The following ZSWIM5 variants were observed in gnomAD, a reference collection of about 807,000 sequenced individuals.
ZSWIM5 encodes the protein zinc finger SWIM domain-containing protein 5.
ZSWIM5 carries 55 observed loss-of-function variants against 119.6 expected under a neutral mutation model. The observed-to-expected ratio is 0.46, with a 90% confidence interval of 0.37 to 0.58. The LOEUF (loss-of-function observed/expected upper bound fraction) is 0.58, where lower values mean the gene tolerates loss of function less well. ZSWIM5 is among the 20% of genes least tolerant of loss of function. The pLI is 0.00. For synonymous variants in ZSWIM5, 537 were observed against 606.9 expected, an observed-to-expected ratio of 0.88 and a Z score of 1.69; for missense variants, 1,193 against 1,512.8, an observed-to-expected ratio of 0.79 and a Z score of 3.51.
chr1:45,144,498 T>C lies in ZSWIM5; in HGVS notation c.596-56261A>G, dbSNP rs138842176. On this transcript the variant is annotated intron_variant, in intron 1 of 13. Coordinates refer to ENST00000359600, the MANE Select transcript of ZSWIM5 (RefSeq NM_020883.2). ...TGCAAGTGAGCTATGATCGTGCTACTGGACTCTAGGCTGGACAACAGCGTG... is the reference window on the plus strand; with the variant it reads ...TGCAAGTGAGCTATGATCGTGCTACCGGACTCTAGGCTGGACAACAGCGTG... Among the ~76,000 whole-genome samples, 94 of 152,296 alleles carry C rather than the reference T, an allele frequency of 6.2e-4. 2 individuals carry two copies. The East Asian group carries it at 0.017, about 27-fold the overall frequency.
chr1:45,076,777 A>C (rs1645258540), intron 2 of ZSWIM5, among the ~76,000 whole-genome samples: 1 of 151,966 alleles, frequency 6.6e-6, no homozygotes, highest in Admixed American at 6.6e-5. Flanking sequence ...TCTTGTAGGT[A>C]TGTATCACTC....
intron 7 of ZSWIM5, among the ~76,000 whole-genome samples, chr1:45,039,326 T>TA (rs1645005131): frequency 1.3e-5 from 2 of 152,244 alleles, no homozygotes; most frequent in South Asian, 4.1e-4. Flanking sequence ...TTTTAAGAGA[T>TA]ACCTGAGTCT....
chr1:45,045,181 T>A (rs1477454181), intron 5 of ZSWIM5, among the ~76,000 whole-genome samples: 1 of 151,894 alleles, frequency 6.6e-6, no homozygotes, highest in Non-Finnish European at 1.5e-5. Context: ...GAAGATATCT[T>A]GCCACAAACC....
chr1:45,107,283 G>A (rs1225860508), intron 1 of ZSWIM5, among the ~76,000 whole-genome samples: 1 of 152,054 alleles, frequency 6.6e-6, no homozygotes, highest in Non-Finnish European at 1.5e-5. Flanking sequence ...AAGGTAAAAT[G>A]AGAGGCATTT....
intron 12 of ZSWIM5, 137 bp from the exon 13 acceptor site, chr1:45,020,284 T>C (rs1203905111): frequency 2.7e-6 from 2 of 731,450 alleles, no homozygotes; most frequent in Admixed American, 2.4e-5. Context: ...TAAAATACAG[T>C]TAATTTCTTT....
At chr1:45,037,739 T>A (rs1197515818) in intron 8 of ZSWIM5, among the ~76,000 whole-genome samples, 1 of 152,264 alleles carries the variant, frequency 6.6e-6, no homozygotes, top group Non-Finnish European at 1.5e-5. Flanking sequence ...CCACCCCTTA[T>A]ATCTCTACCC....
rs115170253 is a variant in ZSWIM5 at position 45,169,918 on chromosome 1, T to C, written c.595+35838A>G. On this transcript the variant is annotated intron_variant, in intron 1 of 13. Transcript: ENST00000359600. ...ACTAGTTATGAAACATCATCCTCCTTTTAAAAAAAAATTCCACACGGTTAA... is the reference window on the plus strand; with the variant it reads ...ACTAGTTATGAAACATCATCCTCCTCTTAAAAAAAAATTCCACACGGTTAA... 4.7e-3 allele frequency among the ~76,000 whole-genome samples: 715 copies of C among 152,160 alleles called. 9 individuals carry two copies. The highest frequency in any genetic ancestry group is 0.016 in the African/African-American group (674 of 41,552).
At chr1:45,061,865 T>C (rs990346885) in intron 2 of ZSWIM5, among the ~76,000 whole-genome samples, 63 of 150,380 alleles carry the variant, frequency 4.2e-4, no homozygotes, top group Middle Eastern at 7.0e-3. Context: ...CTGAGGCAGG[T>C]GGATCACTTG....
At chr1:45,132,318 T>C (rs1180275038) in intron 1 of ZSWIM5, among the ~76,000 whole-genome samples, 1 of 152,124 alleles carries the variant, frequency 6.6e-6, no homozygotes, top group Non-Finnish European at 1.5e-5. Flanking sequence ...TTCTCCCTCA[T>C]AAAATAAGCA....
chr1:45,091,348 T>C (rs375872633), intron 1 of ZSWIM5, among the ~76,000 whole-genome samples: 2 of 151,998 alleles, frequency 1.3e-5, no homozygotes, highest in Non-Finnish European at 2.9e-5. Context: ...GTAATGTCAA[T>C]GTGGAAAAGC....
intron 2 of ZSWIM5, among the ~76,000 whole-genome samples, chr1:45,079,944 C>T (rs1167368011): frequency 1.3e-5 from 2 of 152,074 alleles, no homozygotes; most frequent in Non-Finnish European, 2.9e-5. Context: ...GGAAAGGGGG[C>T]TTCATGACTC....
Position 45,029,938 on chromosome 1 carries a change from A to T in ZSWIM5, c.2449+4374T>A, listed in dbSNP as rs568118084. On this transcript the variant is annotated intron_variant, in intron 11 of 13. Transcript: ENST00000359600. Reference sequence around the variant, plus strand: ...ATTCTTTTGGACATATAGCTGGTTCATTTTTTTTCGACCCACCTACCTGTT... The same window carrying T: ...ATTCTTTTGGACATATAGCTGGTTCTTTTTTTTTCGACCCACCTACCTGTT... Among the ~76,000 whole-genome samples, 7 of 151,674 alleles carry T rather than the reference A, an allele frequency of 4.6e-5. No individual in the cohort carries two copies. In the South Asian group the frequency reaches 8.4e-4, roughly 18 times the overall value.
At chr1:45,185,219 C>A (rs1008714144) in intron 1 of ZSWIM5, among the ~76,000 whole-genome samples, 2 of 149,442 alleles carry the variant, frequency 1.3e-5, no homozygotes. Flanking sequence ...GAAACTGGAT[C>A]CCTTCCTTAC....
intron 1 of ZSWIM5, among the ~76,000 whole-genome samples, chr1:45,168,468 C>G (rs1373872855): frequency 6.6e-6 from 1 of 151,284 alleles, no homozygotes; most frequent in Non-Finnish European, 1.5e-5. Flanking sequence ...TACCCTAGAA[C>G]TTAAAGTATA....
chr1:45,077,776 C>T (rs1645264472), intron 2 of ZSWIM5, among the ~76,000 whole-genome samples: 1 of 152,164 alleles, frequency 6.6e-6, no homozygotes, highest in Non-Finnish European at 1.5e-5. Context: ...GAGACCTACC[C>T]CTAGGTGCAC....
At chr1:45,023,254 T>A (rs953261131) in intron 11 of ZSWIM5, among the ~76,000 whole-genome samples, 1 of 152,198 alleles carries the variant, frequency 6.6e-6, no homozygotes, top group Non-Finnish European at 1.5e-5. Context: ...CTCCATTCCC[T>A]CTAAGTCCCT....
chr1:45,080,136 T>A (rs1312817504), intron 2 of ZSWIM5, among the ~76,000 whole-genome samples: 1 of 152,184 alleles, frequency 6.6e-6, no homozygotes, highest in Admixed American at 6.5e-5. Context: ...CCAGCTGGTG[T>A]CTCAGTAGGT....
chr1:45,057,838 C>T lies in ZSWIM5; in HGVS notation c.1252+771G>A, dbSNP rs538507170. Among the ~76,000 whole-genome samples the T allele has an allele frequency of 6.6e-6, 1 of 152,290 alleles. No homozygotes were observed. Among genetic ancestry groups the T allele is most frequent in the South Asian group, 2.1e-4 (1 of 4,824 alleles). ...TAGAACAGTGAGGCCATTAGAAGGTCACAGTTCTAATCTAATCTAAAAGTT... is the reference window on the plus strand; with the variant it reads ...TAGAACAGTGAGGCCATTAGAAGGTTACAGTTCTAATCTAATCTAAAAGTT... On this transcript the variant is annotated intron_variant, in intron 4 of 13. Coordinates refer to ENST00000359600, the MANE Select transcript of ZSWIM5 (RefSeq NM_020883.2). The surrounding 1 kb of genome is among the most constrained non-coding windows in gnomAD (Gnocchi z 4.7).
intron 2 of ZSWIM5, among the ~76,000 whole-genome samples, chr1:45,080,220 G>A (rs575697293): frequency 6.4e-4 from 97 of 152,256 alleles, no homozygotes; most frequent in African/African-American, 2.3e-3. Context: ...TGCAGTCCTT[G>A]CGGCCTAGAC....
Sources: gnomAD v4.1 joint callset for allele counts (sites outside exome capture counted in the v4.1 genomes callset) on GRCh38, gnomAD v4.1.1 for gene constraint, Gnocchi (gnomAD v3.1) non-coding constraint, MANE v1.5 for transcripts, NCBI Gene and HGNC (gene_info 2026-07-23, HGNC 2026-07-21) for gene names.